The following BMAL1 variants were observed in gnomAD, a reference collection of about 807,000 sequenced individuals.
BMAL1 encodes basic helix-loop-helix ARNT-like protein 1.
the BMAL1 span, chr11:13,380,953 CTG>C: frequency 7.4e-6 from 4 of 543,426 alleles, no homozygotes; most frequent in South Asian, 2.5e-5. Context: ...CGATTCGTAT[CTG>C]TGGCTGCTTT....
the BMAL1 span, chr11:13,357,238 C>T: frequency 1.6e-6 from 2 of 1,273,384 alleles, no homozygotes; most frequent in Middle Eastern, 2.7e-4. This position sits in a 1 kb window ranked among gnomAD's most constrained non-coding sequence, Gnocchi z 4.8. Flanking sequence ...AGGTAGTGGG[C>T]CTTGGCCGAG....
chr11:13,375,487 T>C, the BMAL1 span: 3 of 756,642 alleles, frequency 4.0e-6, no homozygotes, highest in Admixed American at 7.6e-5. Flanking sequence ...CCACTGCAGT[T>C]TCCTTGGCTT....
the BMAL1 span, among the ~76,000 whole-genome samples, chr11:13,332,349 C>T: frequency 6.6e-6 from 1 of 152,172 alleles, no homozygotes; most frequent in Non-Finnish European, 1.5e-5. Context: ...CCCAAGGTCA[C>T]CTACACATAT....
the BMAL1 span, among the ~76,000 whole-genome samples, chr11:13,300,670 C>A: frequency 6.6e-6 from 1 of 152,084 alleles, no homozygotes. Flanking sequence ...TTTAGAAATG[C>A]CCTAAAACAA....
the BMAL1 span, among the ~76,000 whole-genome samples, chr11:13,293,619 A>G: frequency 1.3e-5 from 2 of 152,256 alleles, no homozygotes. Flanking sequence ...AGTCTTCTCT[A>G]CCAGGCAGAA....
chr11:13,387,147 T>G, the BMAL1 span: 3 of 159,226 alleles, frequency 1.9e-5, no homozygotes, highest in Admixed American at 1.3e-4. Flanking sequence ...TTTCTTATAC[T>G]AATTGTATCA....
the BMAL1 span, among the ~76,000 whole-genome samples, chr11:13,299,482 A>T: frequency 6.6e-6 from 1 of 152,020 alleles, no homozygotes. Context: ...GTGGTTAGGT[A>T]GGTGCCTTGG....
chr11:13,347,239 C>T, the BMAL1 span, among the ~76,000 whole-genome samples: 2 of 151,762 alleles, frequency 1.3e-5, no homozygotes, highest in Admixed American at 1.3e-4. Context: ...AAATTAGCTA[C>T]GTATGGTGGC....
chr11:13,318,551 T>G, the BMAL1 span, among the ~76,000 whole-genome samples: 1 of 148,332 alleles, frequency 6.7e-6, no homozygotes, highest in Non-Finnish European at 1.5e-5. Context: ...TTAGTTTTTT[T>G]TTTTTTTTTT....
chr11:13,365,475 T>C, the BMAL1 span: 9 of 1,597,036 alleles, frequency 5.6e-6, no homozygotes, highest in East Asian at 4.5e-5. Context: ...GTATGAGAAA[T>C]TGATTATCCA....
the BMAL1 span, among the ~76,000 whole-genome samples, chr11:13,284,250 A>G: frequency 7.4e-4 from 21 of 28,222 alleles, no homozygotes; most frequent in African/African-American, 8.9e-4. Context: ...ATATATATAT[A>G]TATATATATA....
At chr11:13,333,418 C>T in the BMAL1 span, among the ~76,000 whole-genome samples, 1 of 152,220 alleles carries the variant, frequency 6.6e-6, no homozygotes, top group Non-Finnish European at 1.5e-5. Flanking sequence ...TCATTCCTGT[C>T]ACCACTGCCA....
the BMAL1 span, chr11:13,356,868 G>A: frequency 3.7e-6 from 6 of 1,604,918 alleles, no homozygotes; most frequent in Non-Finnish European, 5.1e-6. Flanking sequence ...CAGCACCCAT[G>A]TCCTCAACTG....
At chr11:13,324,348 C>G in the BMAL1 span, among the ~76,000 whole-genome samples, 1 of 151,582 alleles carries the variant, frequency 6.6e-6, no homozygotes. Flanking sequence ...TCCCTTGGCA[C>G]TCTCTGCTCA....
At chr11:13,332,517 T>C in the BMAL1 span, among the ~76,000 whole-genome samples, 4 of 152,250 alleles carry the variant, frequency 2.6e-5, no homozygotes, top group Non-Finnish European at 5.9e-5. Context: ...TGGATCTGGA[T>C]TATAATTTCA....
the BMAL1 span, among the ~76,000 whole-genome samples, chr11:13,314,967 T>G: frequency 6.6e-6 from 1 of 152,168 alleles, no homozygotes; most frequent in African/African-American, 2.4e-5. Context: ...GCATATAAAC[T>G]CTCCTGTTTT....
At chr11:13,377,838 C>T in the BMAL1 span, among the ~76,000 whole-genome samples, 3 of 152,220 alleles carry the variant, frequency 2.0e-5, no homozygotes, top group South Asian at 2.1e-4. Flanking sequence ...AATGCTTTCT[C>T]CTCCTTACCT....
At chr11:13,383,112 C>G in the BMAL1 span, among the ~76,000 whole-genome samples, 4 of 152,284 alleles carry the variant, frequency 2.6e-5, no homozygotes, top group South Asian at 8.3e-4. Flanking sequence ...CCATACCCAG[C>G]CCTTTCCAGT....
At chr11:13,356,226 C>A in the BMAL1 span, 1 of 453,742 alleles carries the variant, frequency 2.2e-6, no homozygotes, top group South Asian at 1.6e-5. Flanking sequence ...CTTTGAAAAG[C>A]TGCCTGGGGC....
Sources: allele counts gnomAD v4.1 joint callset (sites outside exome capture counted in the v4.1 genomes callset), GRCh38; gene constraint gnomAD v4.1.1; non-coding constraint Gnocchi (gnomAD v3.1); transcripts MANE v1.5; gene names NCBI Gene and HGNC (gene_info 2026-07-23, HGNC 2026-07-21).